CDK14: variants seen among roughly 807,000 people sequenced by gnomAD.
CDK14 encodes the protein cyclin-dependent kinase 14.
Under a neutral mutation model 60.7 loss-of-function variants are expected in CDK14, and 34 were observed. The observed-to-expected ratio is 0.56, with a 90% CI of 0.43 to 0.75. CDK14 has a LOEUF of 0.75. Among genes scored for constraint, CDK14 ranks in the 30% least tolerant of loss-of-function variants. The pLI, the probability that CDK14 is intolerant of heterozygous loss-of-function variation, is 0.00. For missense variants in CDK14, 482 were observed against 564.1 expected (o/e 0.85, Z 1.47); for synonymous variants, 197 against 203.7 (o/e 0.97, Z 0.28).
chr7:90,793,969 C>T (rs553521450), intron 5 of CDK14, among the ~76,000 whole-genome samples: 1 of 152,014 alleles, frequency 6.6e-6, no homozygotes, highest in African/African-American at 2.4e-5. Flanking sequence ...AACCAGCCCA[C>T]GATATTCAAC....
In CDK14 at chr7:90,726,814, T is replaced by C; in HGVS notation, c.369+2T>C. ...AGGCGGCACTCCAGCCCCAGCTCGG[T>C]AAGTGCAGTCTTTTTGTTTATCACT... On this transcript the variant is annotated splice_donor_variant, in intron 3 of 14. Coordinates refer to ENST00000380050, the MANE Select transcript of CDK14 (RefSeq NM_001287135.2). LOFTEE classifies it high-confidence loss of function. 1 of 1,613,274 alleles carries C rather than the reference T, an allele frequency of 6.2e-7. No homozygotes were observed. The highest frequency in any genetic ancestry group is 8.5e-7 in the Non-Finnish European group (1 of 1,179,652).
intron 11 of CDK14, among the ~76,000 whole-genome samples, chr7:91,070,799 T>C (rs1408886089): frequency 6.6e-6 from 1 of 150,784 alleles, no homozygotes; most frequent in African/African-American, 2.5e-5. Context: ...GAGAAAGAAA[T>C]GTTCAAAACT....
At chr7:90,750,153 AACACACACACACACAC>A (rs3138824) in intron 4 of CDK14, among the ~76,000 whole-genome samples, 130 of 131,416 alleles carry the variant, frequency 9.9e-4, no homozygotes, top group Middle Eastern at 3.6e-3. Flanking sequence ...GGGGAAAGAA[AACACACACACACACAC>A]ACACACACAC....
intron 6 of CDK14, among the ~76,000 whole-genome samples, chr7:90,863,742 A>G (rs539832927): frequency 6.8e-6 from 1 of 148,078 alleles, no homozygotes; most frequent in Non-Finnish European, 1.5e-5. Context: ...TTAGACTTCA[A>G]AGTTTTCCCC....
chr7:90,895,705 C>T (rs1267494285), intron 6 of CDK14, among the ~76,000 whole-genome samples: 2 of 144,106 alleles, frequency 1.4e-5, no homozygotes, highest in Non-Finnish European at 3.0e-5. Context: ...GGATTGCATG[C>T]ACTTGCCATT....
At chr7:90,665,265 C>T (rs1800951464) in intron 2 of CDK14, among the ~76,000 whole-genome samples, 1 of 151,172 alleles carries the variant, frequency 6.6e-6, no homozygotes, top group African/African-American at 2.4e-5. Context: ...AGCCCGGCAA[C>T]AGAGTGAGAC....
chr7:90,797,361 C>A (rs1440229393), intron 5 of CDK14, among the ~76,000 whole-genome samples: 2 of 151,868 alleles, frequency 1.3e-5, no homozygotes. Context: ...TCTCTTCTTA[C>A]AAGGACAATA....
intron 11 of CDK14, among the ~76,000 whole-genome samples, chr7:91,067,887 C>T (rs1472355060): frequency 6.6e-6 from 1 of 152,162 alleles, no homozygotes; most frequent in Non-Finnish European, 1.5e-5. Flanking sequence ...GATTGTATTA[C>T]TTTTATCTGT....
chr7:90,828,973 G>C (rs540471460), intron 5 of CDK14, among the ~76,000 whole-genome samples: 3 of 152,188 alleles, frequency 2.0e-5, no homozygotes, highest in Admixed American at 2.0e-4. Flanking sequence ...CTGCATGTCT[G>C]GGGGAGGCCT....
intron 14 of CDK14, among the ~76,000 whole-genome samples, chr7:91,197,228 T>C (rs1802572411): frequency 6.6e-6 from 1 of 152,040 alleles, no homozygotes; most frequent in South Asian, 2.1e-4. Flanking sequence ...GGTGAAACCC[T>C]GTCTCTACTG....
intron 2 of CDK14, among the ~76,000 whole-genome samples, chr7:90,621,126 C>T (rs1563018505): frequency 6.6e-6 from 1 of 152,154 alleles, no homozygotes; most frequent in Non-Finnish European, 1.5e-5. Flanking sequence ...TGCATCTGGT[C>T]ACAGGATTTC....
chr7:90,650,724 C>T lies in CDK14; in HGVS notation c.123+46475C>T, dbSNP rs186606307. 1.5e-3 allele frequency among the ~76,000 whole-genome samples: 236 copies of T among 152,294 alleles called. 1 individual carries two copies. Among genetic ancestry groups the T allele is most frequent in the Middle Eastern group, 3.4e-3 (1 of 294 alleles). On this transcript the variant is annotated intron_variant, in intron 2 of 14. Coordinates refer to ENST00000380050, the MANE Select transcript of CDK14 (RefSeq NM_001287135.2). ...ATTTATTAAATAGGGAATCCTTTCCCCATTGCTTATTTTTGTCAGGTTTGT... is the reference window on the plus strand; with the variant it reads ...ATTTATTAAATAGGGAATCCTTTCCTCATTGCTTATTTTTGTCAGGTTTGT...
intron 14 of CDK14, among the ~76,000 whole-genome samples, chr7:91,122,238 C>A (rs1016995709): frequency 1.3e-5 from 2 of 152,130 alleles, no homozygotes; most frequent in African/African-American, 4.8e-5. Flanking sequence ...TACCTTTTAG[C>A]CTCTTATTTC....
intron 2 of CDK14, among the ~76,000 whole-genome samples, chr7:90,724,343 C>A (rs1434591817): frequency 1.3e-5 from 2 of 149,950 alleles, no homozygotes. Context: ...GCTAGATGTT[C>A]ATCATTTAAA....
At chr7:90,649,274 TTC>T (rs1800540940) in intron 2 of CDK14, among the ~76,000 whole-genome samples, 3 of 49,982 alleles carry the variant, frequency 6.0e-5, no homozygotes, top group African/African-American at 3.0e-4. Context: ...CTTTCTTTCT[TTC>T]TTTCTTTCTT....
intron 7 of CDK14, among the ~76,000 whole-genome samples, chr7:90,915,919 G>T (rs1204760026): frequency 6.6e-6 from 1 of 152,176 alleles, no homozygotes; most frequent in Non-Finnish European, 1.5e-5. Context: ...AAAATGCATT[G>T]CCATGGTTAA....
At chr7:90,608,172 T>C (rs985761) in intron 2 of CDK14, among the ~76,000 whole-genome samples, 145,087 of 152,298 alleles carry the variant, frequency 0.95, 69,143 homozygotes, top group East Asian at 1. Flanking sequence ...CTTTTGTTCC[T>C]AATAAATGAC....
intron 14 of CDK14, among the ~76,000 whole-genome samples, chr7:91,136,488 A>G (rs147923089): frequency 1.3e-5 from 2 of 152,162 alleles, no homozygotes; most frequent in Non-Finnish European, 2.9e-5. Context: ...TAAGGGTAAC[A>G]TGGGTATCTG....
intron 2 of CDK14, among the ~76,000 whole-genome samples, chr7:90,625,335 G>A (rs1799854575): frequency 6.6e-6 from 1 of 152,120 alleles, no homozygotes; most frequent in African/African-American, 2.4e-5. Flanking sequence ...GCGAGACTCT[G>A]TCTTTAAAAA....
Sources: gnomAD v4.1 joint callset for allele counts (sites outside exome capture counted in the v4.1 genomes callset) on GRCh38, gnomAD v4.1.1 for gene constraint, MANE v1.5 for transcripts, NCBI Gene and HGNC (gene_info 2026-07-23, HGNC 2026-07-21) for gene names.